The following HIPK3 variants were observed in gnomAD, a reference collection of about 807,000 sequenced individuals.
HIPK3 encodes the protein homeodomain interacting protein kinase 3.
A neutral mutation model predicts 124.2 loss-of-function variants in HIPK3; 47 were observed. That is an observed-to-expected ratio of 0.38 (90% CI 0.30 to 0.48). The LOEUF is 0.48. HIPK3 is among the 20% of genes least tolerant of loss of function. The pLI is 0.98. For synonymous variants in HIPK3, 482 were observed against 515.2 expected, an observed-to-expected ratio of 0.94 and a Z score of 0.87; for missense variants, 1,286 against 1,454.3, an observed-to-expected ratio of 0.88 and a Z score of 1.88.
intron 2 of HIPK3, among the ~76,000 whole-genome samples, chr11:33,307,696 G>C (rs909257929): frequency 1.3e-5 from 2 of 151,654 alleles, no homozygotes; most frequent in African/African-American, 4.8e-5. Flanking sequence ...GTGAACCACC[G>C]TGCCTGGCCT....
At chr11:33,273,059 CTT>C (rs1224287845) in intron 1 of HIPK3, among the ~76,000 whole-genome samples, 1 of 151,416 alleles carries the variant, frequency 6.6e-6, no homozygotes, top group Non-Finnish European at 1.5e-5. Flanking sequence ...ATCTTAAACT[CTT>C]GGGCTCAAAT....
At chr11:33,327,109 G>A (rs911307235) in intron 2 of HIPK3, among the ~76,000 whole-genome samples, 3 of 151,860 alleles carry the variant, frequency 2.0e-5, no homozygotes, top group Non-Finnish European at 4.4e-5. Flanking sequence ...GATAAGAAAT[G>A]GATTATTTAT....
In HIPK3 at chr11:33,348,685, T is replaced by C; in HGVS notation, c.2533T>C (p.Ser845Pro). The C allele has an allele frequency of 6.2e-7, 1 of 1,614,146 alleles. No individual in the cohort carries two copies. The highest frequency in any genetic ancestry group is 8.5e-7 in the Non-Finnish European group (1 of 1,180,022). The change falls in exon 13 of 17, where the codon TCT becomes CCT. Residue 845 changes from serine to proline, a missense_variant. Transcript: ENST00000303296. ...CTGTGAAACATCTATCAGACAGGAC[T>C]CTGATTCATCAGTTTCAGACAAACA... ...NCCETSIRQD[S>P]DSSVSDKQRQ...
chr11:33,317,274 A>ATTTTT lies in HIPK3; in HGVS notation c.1098-11220_1098-11216dup, dbSNP rs3028961. On this transcript the variant is annotated intron_variant, in intron 2 of 16. Transcript: ENST00000303296. ...GGCGTGAGCCACTGTGCCTGGCCCT[A>ATTTTT]TTTTTTTTTTTTTTTTTTTTGAGTC... is the stretch of plus-strand genomic sequence containing the variant. Among the ~76,000 whole-genome samples, 203 of 102,080 alleles carry ATTTTT rather than the reference A, an allele frequency of 2.0e-3. 7 individuals are homozygous for ATTTTT. Among genetic ancestry groups the ATTTTT allele is most frequent in the Middle Eastern group, 0.013 (2 of 156 alleles). The allele number at this position is 102,080 out of a possible 152,430, so 67.0% of individuals were successfully genotyped here.
intron 2 of HIPK3, among the ~76,000 whole-genome samples, chr11:33,287,733 A>G (rs1405222986): frequency 6.6e-6 from 1 of 152,174 alleles, no homozygotes; most frequent in Non-Finnish European, 1.5e-5. Context: ...TGCCAAAGAC[A>G]TCTGGTTATT....
At chr11:33,293,789 G>A (rs1028928811) in intron 2 of HIPK3, among the ~76,000 whole-genome samples, 6 of 152,068 alleles carry the variant, frequency 3.9e-5, no homozygotes, top group Non-Finnish European at 1.5e-5. Context: ...GTGGTGCTTG[G>A]TGCTGCTTGT....
rs1471460705 is a variant in HIPK3 at position 33,258,256 on chromosome 11, G to A, written c.-3+367G>A. ...GCAACGGCTCTTCCCAGCAACCGAAGTTTTGTTTAGTCCCACGGGGAGCCT... is the reference window on the plus strand; with the variant it reads ...GCAACGGCTCTTCCCAGCAACCGAAATTTTGTTTAGTCCCACGGGGAGCCT... On this transcript the variant is annotated intron_variant, in intron 1 of 16. Coordinates refer to ENST00000303296, the MANE Select transcript of HIPK3 (RefSeq NM_005734.5). 4.1e-6 allele frequency: 4 copies of A among 975,068 alleles called. No homozygotes were observed. The East Asian group carries it at 3.5e-4, about 85-fold the overall frequency. 60.4% of individuals were successfully genotyped at this position (975,068 alleles called of 1,614,324 possible). A position where few individuals can be genotyped will look rare whatever the true frequency, so the allele number is the denominator to read the frequency against.
chr11:33,269,643 C>T (rs1312740975), intron 1 of HIPK3, among the ~76,000 whole-genome samples: 1 of 152,124 alleles, frequency 6.6e-6, no homozygotes, highest in Non-Finnish European at 1.5e-5. Context: ...TTCTTCTAAA[C>T]TTCTTAAATG....
At chr11:33,328,403 T>A in intron 2 of HIPK3, 107 bp from the exon 3 acceptor site, 1 of 1,065,884 alleles carries the variant, frequency 9.4e-7, no homozygotes, top group Non-Finnish European at 1.4e-6. Flanking sequence ...TTCCTATACA[T>A]AGAATGTGAT....
At chr11:33,258,221 C>G in intron 1 of HIPK3, 2 of 760,550 alleles carry the variant, frequency 2.6e-6, no homozygotes, top group Non-Finnish European at 3.2e-6. Context: ...CCTCCCCCTG[C>G]CAAGGTTGCG....
At position 33,297,300 on chromosome 11, in the gene HIPK3, G is replaced by A. The variant is rs143557209; in HGVS notation, c.1097+9789G>A. ...GTAGAGACGGGGCTTCGCCATGTTGGCCAGGCTGGTCTTGAACCCTTGACC... is the reference window on the plus strand; with the variant it reads ...GTAGAGACGGGGCTTCGCCATGTTGACCAGGCTGGTCTTGAACCCTTGACC... On this transcript the variant is annotated intron_variant, in intron 2 of 16. Coordinates refer to ENST00000303296, the MANE Select transcript of HIPK3 (RefSeq NM_005734.5). Among the ~76,000 whole-genome samples, 1,103 of 152,248 alleles carry A rather than the reference G, an allele frequency of 7.2e-3. 9 individuals carry two copies. The highest frequency in any genetic ancestry group is 0.013 in the Non-Finnish European group (861 of 68,008).
chr11:33,339,595 C>A, intron 6 of HIPK3, 61 bp downstream of exon 6: 1 of 1,195,938 alleles, frequency 8.4e-7, no homozygotes, highest in South Asian at 1.6e-5. Context: ...TAGAAAATGA[C>A]TGCATCAGAG....
At chr11:33,273,512 CAAAAAAAAAAAAAAAAAA>C (rs398015727) in intron 1 of HIPK3, among the ~76,000 whole-genome samples, 3 of 48,042 alleles carry the variant, frequency 6.2e-5, no homozygotes, top group African/African-American at 1.0e-4. Context: ...TCTGTCTCCA[CAAAAAAAAAAAAAAAAAA>C]AAAAAAAAGA....
intron 1 of HIPK3, among the ~76,000 whole-genome samples, chr11:33,271,832 A>T (rs1430071517): frequency 6.6e-6 from 1 of 152,224 alleles, no homozygotes; most frequent in Admixed American, 6.5e-5. Context: ...ATTATGAAGA[A>T]AACTATTTTT....
At chr11:33,331,938 G>T (rs537824473) in intron 3 of HIPK3, among the ~76,000 whole-genome samples, 2 of 152,226 alleles carry the variant, frequency 1.3e-5, no homozygotes, top group Non-Finnish European at 2.9e-5. Flanking sequence ...CTGTTGCCCT[G>T]GATGGAGTGC....
rs954931318 is a variant in HIPK3, at chr11:33,294,926, A to T, written c.1097+7415A>T. On this transcript the variant is annotated intron_variant, in intron 2 of 16. Coordinates refer to ENST00000303296, the MANE Select transcript of HIPK3 (RefSeq NM_005734.5). The stretch of plus-strand genomic sequence containing the variant: ...ATGTTTACATTATTTGCCCTGTCTC[A>T]TTAGTGTCCTCTAATCTGGTGATAT... Among the ~76,000 whole-genome samples, 14 of 152,208 alleles carry T rather than the reference A, an allele frequency of 9.2e-5. No homozygotes were observed. The East Asian group carries it at 2.7e-3, about 29-fold the overall frequency.
chr11:33,302,120 A>G (rs1220876660), intron 2 of HIPK3, among the ~76,000 whole-genome samples: 4 of 152,132 alleles, frequency 2.6e-5, no homozygotes, highest in Non-Finnish European at 5.9e-5. Flanking sequence ...AGATCCTGTG[A>G]AGGTTATCTA....
At chr11:33,340,916 A>G (rs1853313501) in intron 6 of HIPK3, 52 bp from the exon 7 acceptor site, 6 of 1,163,960 alleles carry the variant, frequency 5.2e-6, no homozygotes, top group African/African-American at 1.6e-5. Context: ...ACCTCAATTT[A>G]AAACTAAGCT....
intron 2 of HIPK3, among the ~76,000 whole-genome samples, chr11:33,295,285 C>A (rs546434721): frequency 6.7e-6 from 1 of 149,738 alleles, no homozygotes; most frequent in Non-Finnish European, 1.5e-5. Context: ...CCGCCCCCCC[C>A]CCACAACTCC....
Sources: gnomAD v4.1 joint callset for allele counts (sites outside exome capture counted in the v4.1 genomes callset) on GRCh38, gnomAD v4.1.1 for gene constraint, MANE v1.5 for transcripts, NCBI Gene and HGNC (gene_info 2026-07-23, HGNC 2026-07-21) for gene names.